The following LSAMP variants were observed in gnomAD, a reference collection of about 807,000 sequenced individuals.
LSAMP encodes the protein limbic system-associated membrane protein.
Under a neutral mutation model 38.6 loss-of-function variants are expected in LSAMP, and 7 were observed. The observed-to-expected ratio is 0.18, with a 90% confidence interval of 0.10 to 0.34. The LOEUF (loss-of-function observed/expected upper bound fraction) is 0.34. Ranked by LOEUF, LSAMP falls within the 10% of genes least tolerant of loss-of-function variation. LSAMP has a pLI of 1.00. For missense variants in LSAMP, 313 were observed against 420.0 expected, an observed-to-expected ratio of 0.75 and a Z score of 2.23; for synonymous variants, 154 against 166.8, an observed-to-expected ratio of 0.92 and a Z score of 0.59.
chr3:116,376,203 A>G (rs1204456006), intron 1 of LSAMP, among the ~76,000 whole-genome samples: 1 of 152,066 alleles, frequency 6.6e-6, no homozygotes, highest in Non-Finnish European at 1.5e-5. Context: ...TTGAATTCTG[A>G]TAAATGCAAT....
chr3:116,071,599 CTTTTA>C (rs1477743269), intron 2 of LSAMP, among the ~76,000 whole-genome samples: 2 of 151,882 alleles, frequency 1.3e-5, no homozygotes, highest in South Asian at 2.1e-4. Flanking sequence ...TTTTCTTCAA[CTTTTA>C]TTTTAAGTTC....
chr3:116,289,900 A>T (rs1454914638), intron 1 of LSAMP, among the ~76,000 whole-genome samples: 1 of 152,228 alleles, frequency 6.6e-6, no homozygotes, highest in African/African-American at 2.4e-5. Context: ...CTAAACCTGG[A>T]TTAAAAAGCT....
At chr3:116,428,225 C>G (rs144570405) in intron 1 of LSAMP, among the ~76,000 whole-genome samples, 1,852 of 151,944 alleles carry the variant, frequency 0.012, 9 homozygotes, top group Middle Eastern at 0.024. Context: ...TTTGAGAGGC[C>G]GAGGCAGGCA....
At chr3:115,829,930 T>TA (rs1444581041) in intron 6 of LSAMP, among the ~76,000 whole-genome samples, 1 of 152,166 alleles carries the variant, frequency 6.6e-6, no homozygotes, top group Non-Finnish European at 1.5e-5. Context: ...TCAGTGCTTT[T>TA]AAAAATTATA....
chr3:116,347,158 A>C (rs1290621763), intron 1 of LSAMP, among the ~76,000 whole-genome samples: 4 of 152,188 alleles, frequency 2.6e-5, no homozygotes, highest in Non-Finnish European at 4.4e-5. Context: ...TAAAGTGCTG[A>C]TACTTTTATA....
chr3:116,039,699 C>G (rs543263855), intron 2 of LSAMP, among the ~76,000 whole-genome samples: 17 of 152,298 alleles, frequency 1.1e-4, no homozygotes, highest in Non-Finnish European at 1.8e-4. Context: ...CTCTATCTAA[C>G]AGTCCTGCTG....
chr3:116,136,540 T>C (rs907097150), intron 1 of LSAMP, among the ~76,000 whole-genome samples: 1 of 152,196 alleles, frequency 6.6e-6, no homozygotes, highest in Non-Finnish European at 1.5e-5. Context: ...TTTATTAATA[T>C]ATCTATTCCA....
intron 3 of LSAMP, among the ~76,000 whole-genome samples, chr3:115,877,651 T>C (rs779914098): frequency 1.3e-4 from 20 of 152,162 alleles, no homozygotes; most frequent in Non-Finnish European, 2.4e-4. Flanking sequence ...TCTGGACTTT[T>C]AACACATCTC....
rs1056169242 is a variant in LSAMP, at chr3:116,071,228, T to A, written c.388+15096A>T. Among the ~76,000 whole-genome samples, 3 of 150,446 alleles carry A rather than the reference T, an allele frequency of 2.0e-5. No individual in the cohort carries two copies. In the East Asian group the frequency reaches 5.8e-4, roughly 29 times the overall value. On this transcript the variant is annotated intron_variant, in intron 2 of 6. Transcript: ENST00000490035. Reference sequence around the variant, plus strand: ...CTCAGGTGAAGAAATGATGGAGGGCTAAAGAAGAAAAAATAAAAAGAAATA... The same window carrying A: ...CTCAGGTGAAGAAATGATGGAGGGCAAAAGAAGAAAAAATAAAAAGAAATA...
At chr3:116,334,429 A>G (rs1216301074) in intron 1 of LSAMP, among the ~76,000 whole-genome samples, 1 of 152,138 alleles carries the variant, frequency 6.6e-6, no homozygotes, top group Non-Finnish European at 1.5e-5. Flanking sequence ...CCAGACAAAA[A>G]CATTGCAAGG....
At chr3:116,314,894 G>GT (rs561117995) in intron 1 of LSAMP, among the ~76,000 whole-genome samples, 1 of 152,078 alleles carries the variant, frequency 6.6e-6, no homozygotes, top group Non-Finnish European at 1.5e-5. Context: ...ATTCTTGGGG[G>GT]TTTTTTTGTT....
intron 4 of LSAMP, among the ~76,000 whole-genome samples, chr3:115,847,037 G>A (rs1409833136): frequency 1.3e-5 from 2 of 152,122 alleles, no homozygotes; most frequent in East Asian, 1.9e-4. Flanking sequence ...AATGAAATCA[G>A]TAATATGAGA....
At chr3:116,136,921 C>T (rs1366341381) in intron 1 of LSAMP, among the ~76,000 whole-genome samples, 1 of 152,114 alleles carries the variant, frequency 6.6e-6, no homozygotes, top group Non-Finnish European at 1.5e-5. Flanking sequence ...AAAAATACCA[C>T]AAACTTGGTG....
At chr3:115,989,483 T>G (rs372161817) in intron 3 of LSAMP, among the ~76,000 whole-genome samples, 1 of 152,258 alleles carries the variant, frequency 6.6e-6, no homozygotes, top group Non-Finnish European at 1.5e-5. Context: ...AAAGGCTTCT[T>G]TTTTTATTTC....
intron 3 of LSAMP, among the ~76,000 whole-genome samples, chr3:115,894,244 T>G (rs1936673913): frequency 6.6e-6 from 1 of 152,028 alleles, no homozygotes. Context: ...AATAGAGCTT[T>G]AACATTTTAC....
intron 1 of LSAMP, among the ~76,000 whole-genome samples, chr3:116,385,924 T>TACA (rs1421744200): frequency 7.6e-6 from 1 of 132,300 alleles, no homozygotes; most frequent in Non-Finnish European, 1.7e-5. Flanking sequence ...TTGACATTAC[T>TACA]ACTACTACTA....
intron 1 of LSAMP, among the ~76,000 whole-genome samples, chr3:116,253,335 C>T (rs897060521): frequency 7.2e-5 from 11 of 152,212 alleles, no homozygotes; most frequent in African/African-American, 2.7e-4. Flanking sequence ...CCATTAGCCA[C>T]ATCCAAACCC....
chr3:115,926,006 A>G (rs966890879), intron 3 of LSAMP, among the ~76,000 whole-genome samples: 1 of 152,208 alleles, frequency 6.6e-6, no homozygotes, highest in Non-Finnish European at 1.5e-5. Context: ...ATAGAAAGAA[A>G]CAGTAACAGA....
intron 3 of LSAMP, among the ~76,000 whole-genome samples, chr3:115,980,718 C>T (rs940407019): frequency 6.6e-6 from 1 of 152,132 alleles, no homozygotes; most frequent in Non-Finnish European, 1.5e-5. Context: ...TTAAAGGGGA[C>T]CTTGGTCCTA....
Sources: gnomAD v4.1 joint callset for allele counts (sites outside exome capture counted in the v4.1 genomes callset) on GRCh38, gnomAD v4.1.1 for gene constraint, MANE v1.5 for transcripts, NCBI Gene and HGNC (gene_info 2026-07-23, HGNC 2026-07-21) for gene names.